XPO1: variants seen among roughly 807,000 people sequenced by gnomAD.
XPO1 encodes the protein exportin-1.
A neutral mutation model predicts 133.3 loss-of-function variants in XPO1; 5 were observed. That is an observed-to-expected ratio of 0.04 (90% CI 0.02 to 0.08). XPO1 has a LOEUF of 0.08. Among genes scored for constraint, XPO1 ranks in the 10% least tolerant of loss-of-function variants. XPO1 has a pLI of 1.00. For synonymous variants in XPO1, 419 were observed against 408.2 expected, an observed-to-expected ratio of 1.03 and a Z score of -0.32; for missense variants, 506 against 1,267.5, an observed-to-expected ratio of 0.40 and a Z score of 9.12.
chr2:61,481,344 C>G, intron 23 of XPO1, 63 bp from the exon 24 acceptor site: 1 of 1,309,630 alleles, frequency 7.6e-7, no homozygotes, highest in Non-Finnish European at 1.1e-6. Context: ...GAGTATTGCT[C>G]TGTCACCAGG....
At chr2:61,522,718 T>C (rs1277660113) in intron 3 of XPO1, 35 bp from the exon 4 acceptor site, 1 of 1,488,178 alleles carries the variant, frequency 6.7e-7, no homozygotes, top group African/African-American at 1.4e-5. Flanking sequence ...GTGAATATAT[T>C]GCTTATAGGA....
At chr2:61,503,741 T>C (rs943215158) in intron 4 of XPO1, among the ~76,000 whole-genome samples, 1 of 152,232 alleles carries the variant, frequency 6.6e-6, no homozygotes, top group Non-Finnish European at 1.5e-5. Flanking sequence ...CTACTTTTTG[T>C]ATTTTTATAG....
chr2:61,491,733 A>T (rs1032708188), intron 16 of XPO1, among the ~76,000 whole-genome samples: 1 of 151,786 alleles, frequency 6.6e-6, no homozygotes, highest in African/African-American at 2.4e-5. Context: ...ATCTCTACCA[A>T]GGGGGGGAAA....
intron 2 of XPO1, 47 bp downstream of exon 2, chr2:61,533,723 ACT>A (rs1699254608): frequency 2.1e-6 from 3 of 1,408,982 alleles, no homozygotes; most frequent in East Asian, 2.7e-5. Context: ...AAACCCAACA[ACT>A]CTGTTACACT....
intron 4 of XPO1, among the ~76,000 whole-genome samples, chr2:61,508,992 A>G (rs1318513732): frequency 2.0e-5 from 3 of 152,078 alleles, no homozygotes; most frequent in South Asian, 2.1e-4. Context: ...AAACACTCCA[A>G]TATCTGCAAG....
At chr2:61,530,194 A>G (rs1699090993) in intron 2 of XPO1, among the ~76,000 whole-genome samples, 1 of 152,206 alleles carries the variant, frequency 6.6e-6, no homozygotes, top group African/African-American at 2.4e-5. Flanking sequence ...CTTTGAAGTG[A>G]TAAGCATTCT....
intron 4 of XPO1, among the ~76,000 whole-genome samples, chr2:61,516,912 TA>T (rs1252396298): frequency 6.6e-6 from 1 of 152,146 alleles, no homozygotes; most frequent in African/African-American, 2.4e-5. Context: ...ATTAATTAAT[TA>T]TTTTTTAATT....
At chr2:61,536,998 T>G (rs1699383089) in intron 1 of XPO1, 1 of 152,112 alleles carries the variant, frequency 6.6e-6, no homozygotes, top group African/African-American at 2.4e-5. Flanking sequence ...TGCAGGCCCC[T>G]GAAAAACTGA....
intron 4 of XPO1, among the ~76,000 whole-genome samples, chr2:61,505,712 C>A (rs1410746938): frequency 6.6e-6 from 1 of 152,166 alleles, no homozygotes; most frequent in Admixed American, 6.5e-5. Context: ...ACGTGAGCCA[C>A]CGCACCTGGC....
At chr2:61,512,268 T>C (rs1698132824) in intron 4 of XPO1, among the ~76,000 whole-genome samples, 1 of 152,326 alleles carries the variant, frequency 6.6e-6, no homozygotes, top group South Asian at 2.1e-4. Flanking sequence ...AAATCATAAA[T>C]GAAACAATCA....
intron 4 of XPO1, among the ~76,000 whole-genome samples, chr2:61,522,247 A>C (rs1698730252): frequency 6.6e-6 from 1 of 152,026 alleles, no homozygotes; most frequent in South Asian, 2.1e-4. Flanking sequence ...TGTCCAGATG[A>C]GGTCTTGCTA....
At chr2:61,529,495 A>C (rs1699060261) in intron 2 of XPO1, among the ~76,000 whole-genome samples, 1 of 152,126 alleles carries the variant, frequency 6.6e-6, no homozygotes, top group Non-Finnish European at 1.5e-5. Flanking sequence ...GTCTCTACTA[A>C]AAATTCAAAA....
At chr2:61,497,346 GGACTACACATGCA>G (rs1473929742) in intron 9 of XPO1, among the ~76,000 whole-genome samples, 26 of 152,112 alleles carry the variant, frequency 1.7e-4, no homozygotes, top group African/African-American at 5.8e-4. Context: ...CAAATAGCTG[GGACTACACATGCA>G]TGCCACCACG....
At chr2:61,482,880 C>T (rs1263174269) in intron 22 of XPO1, 77 bp downstream of exon 22, 27 of 1,572,948 alleles carry the variant, frequency 1.7e-5, no homozygotes, top group Non-Finnish European at 2.0e-5. Context: ...GCCTCGACCT[C>T]CCAAAGTGCT....
chr2:61,497,243 G>C (rs1697283029), intron 9 of XPO1, among the ~76,000 whole-genome samples: 1 of 152,090 alleles, frequency 6.6e-6, no homozygotes, highest in Admixed American at 6.6e-5. Flanking sequence ...TTGAGACAGA[G>C]TCTCGCTCGC....
intron 12 of XPO1, 88 bp from the exon 13 acceptor site, chr2:61,493,141 C>CA (rs952263684): frequency 3.7e-6 from 5 of 1,346,326 alleles, no homozygotes; most frequent in South Asian, 1.6e-5. Flanking sequence ...CAAACAAAAC[C>CA]AAAAAAACCA....
Position 61,481,290 on chromosome 2 carries a change from C to G in XPO1, c.2973-9G>C, listed in dbSNP as rs1371600276. The G allele has an allele frequency of 6.3e-7, 1 of 1,592,152 alleles. No homozygotes were observed. The highest frequency in any genetic ancestry group is 8.6e-7 in the Non-Finnish European group (1 of 1,167,492). ...AGAGCTTTACTTGAGCACTGCAAAT[C>G]AAAACACAATGATTAAATAATGATT... On this transcript the variant is annotated splice_polypyrimidine_tract_variant and intron_variant, in intron 23 of 24. Transcript: ENST00000401558.
At chr2:61,531,541 GGTTT>G (rs1699155402) in intron 2 of XPO1, among the ~76,000 whole-genome samples, 1 of 152,240 alleles carries the variant, frequency 6.6e-6, no homozygotes, top group Admixed American at 6.5e-5. Context: ...GCTCTATGTT[GGTTT>G]ATTTATCATA....
rs1454026565 is a variant in XPO1, at chr2:61,496,915, T to G, written c.852A>C (p.Val284=). 3 of 1,612,050 alleles carry G rather than the reference T, an allele frequency of 1.9e-6. No homozygotes were observed. In the African/African-American group the frequency reaches 4.0e-5, roughly 22 times the overall value. Reference sequence around the variant, plus strand: ...GCATCATTGTCAGAGTAAATAGTGTTACAAATTGTTCTTCATATTGGCTTA... The same window carrying G: ...GCATCATTGTCAGAGTAAATAGTGTGACAAATTGTTCTTCATATTGGCTTA... The part of the protein sequence containing the change: ...VSVSQYEEQF[V]TLFTLTMMQL... The change falls in exon 10 of 25, where the codon GTA becomes GTC. Residue 284 remains valine (V), a synonymous_variant. Coordinates refer to ENST00000401558, the MANE Select transcript of XPO1 (RefSeq NM_003400.4).
Sources: allele counts gnomAD v4.1 joint callset (sites outside exome capture counted in the v4.1 genomes callset), GRCh38; gene constraint gnomAD v4.1.1; transcripts MANE v1.5; gene names NCBI Gene and HGNC (gene_info 2026-07-23, HGNC 2026-07-21).